PPP3CC: variants seen among roughly 807,000 people sequenced by gnomAD.
The protein encoded by PPP3CC is protein phosphatase 3 catalytic subunit gamma, also known as serine/threonine-protein phosphatase 2B catalytic subunit gamma isoform.
Under a neutral mutation model 60.3 loss-of-function variants are expected in PPP3CC, and 35 were observed. The ratio of observed to expected loss-of-function variants is 0.58; its 90% confidence interval spans 0.44 to 0.77. The LOEUF is 0.77. PPP3CC is among the 30% of genes least tolerant of loss of function. The pLI is 0.00. For synonymous variants in PPP3CC, 206 were observed against 224.3 expected (o/e 0.92, Z 0.73); for missense variants, 570 against 628.9 (o/e 0.91, Z 1.00).
chr8:22,514,749 C>G (rs2443494), intron 6 of PPP3CC, among the ~76,000 whole-genome samples: 65,343 of 145,212 alleles, frequency 0.45, 14,544 homozygotes, highest in East Asian at 0.56. Flanking sequence ...GGTGTGATCT[C>G]AGCTCACCGC....
At chr8:22,513,044 C>G (rs1839136083) in intron 5 of PPP3CC, among the ~76,000 whole-genome samples, 1 of 151,116 alleles carries the variant, frequency 6.6e-6, no homozygotes, top group Non-Finnish European at 1.5e-5. Context: ...CCATTGCACT[C>G]CAGCCTGGGC....
intron 4 of PPP3CC, among the ~76,000 whole-genome samples, chr8:22,509,766 A>G (rs949944514): frequency 3.3e-5 from 5 of 152,164 alleles, no homozygotes; most frequent in Non-Finnish European, 7.3e-5. Context: ...CAGTGACACT[A>G]TCGTAGTTCA....
At chr8:22,448,680 A>T (rs906646587) in intron 1 of PPP3CC, among the ~76,000 whole-genome samples, 1 of 152,154 alleles carries the variant, frequency 6.6e-6, no homozygotes, top group Non-Finnish European at 1.5e-5. Context: ...TGCCTGGCCT[A>T]TATCATTGTT....
Position 22,459,455 on chromosome 8 carries a change from A to ATGTGTGTGTGTG in PPP3CC, c.50-15489_50-15478dup, listed in dbSNP as rs56870564. On this transcript the variant is annotated intron_variant, in intron 1 of 13. Transcript: ENST00000240139. ...ACCACTTCATTATTATCACTTTGTT[A>ATGTGTGTGTGTG]TGTGTGTGTGTGTGTGTGTGTTTAA... Among the ~76,000 whole-genome samples, 258 of 150,246 alleles carry ATGTGTGTGTGTG rather than the reference A, an allele frequency of 1.7e-3. 1 individual carries two copies. The highest frequency in any genetic ancestry group is 6.0e-3 in the African/African-American group (244 of 40,996).
intron 3 of PPP3CC, among the ~76,000 whole-genome samples, chr8:22,483,255 CAT>C (rs1306032591): frequency 3.9e-5 from 6 of 152,254 alleles, no homozygotes; most frequent in Admixed American, 1.3e-4. Context: ...GGGAAGACCA[CAT>C]GTCATTTTAT....
At chr8:22,520,382 T>C (rs1050501407) in intron 6 of PPP3CC, among the ~76,000 whole-genome samples, 4 of 152,180 alleles carry the variant, frequency 2.6e-5, no homozygotes, top group African/African-American at 9.7e-5. Flanking sequence ...ACTGTTAGCC[T>C]TTAGTTTTTA....
At chr8:22,452,981 C>G (rs1248299657) in intron 1 of PPP3CC, among the ~76,000 whole-genome samples, 2 of 152,170 alleles carry the variant, frequency 1.3e-5, no homozygotes, top group Non-Finnish European at 2.9e-5. Context: ...TTAACACACG[C>G]TTAGGTGCTT....
chr8:22,495,526 A>G (rs182716086), intron 3 of PPP3CC, among the ~76,000 whole-genome samples: 1 of 151,884 alleles, frequency 6.6e-6, no homozygotes, highest in Admixed American at 6.6e-5. Context: ...GTTTGGCCAA[A>G]TTGTTTTTTT....
intron 1 of PPP3CC, among the ~76,000 whole-genome samples, chr8:22,462,614 A>C (rs1451127209): frequency 6.8e-5 from 10 of 147,470 alleles, no homozygotes; most frequent in African/African-American, 2.5e-4. Context: ...TCTGTTGCCC[A>C]GGCTGGAGTG....
chr8:22,452,420 C>A (rs536486255), intron 1 of PPP3CC, among the ~76,000 whole-genome samples: 1 of 152,026 alleles, frequency 6.6e-6, no homozygotes, highest in African/African-American at 2.4e-5. Context: ...GCTTTTTCTT[C>A]TCTGCTAAGA....
At chr8:22,506,961 TA>T (rs1259735982) in intron 4 of PPP3CC, among the ~76,000 whole-genome samples, 2 of 148,456 alleles carry the variant, frequency 1.3e-5, no homozygotes, top group South Asian at 4.3e-4. Context: ...ATTAAATAAA[TA>T]AAAAATAAAA....
At chr8:22,475,392 A>G in intron 2 of PPP3CC, 108 bp from the exon 3 acceptor site, 1 of 1,301,876 alleles carries the variant, frequency 7.7e-7, no homozygotes, top group African/African-American at 1.5e-5. Context: ...AGTCCTGTCA[A>G]AAGCTGGAGT....
chr8:22,441,610 G>A, intron 1 of PPP3CC, 152 bp downstream of exon 1: 1 of 829,868 alleles, frequency 1.2e-6, no homozygotes, highest in East Asian at 3.3e-5. Flanking sequence ...GCCTCCGAGA[G>A]CAGCCACCCG....
At chr8:22,511,309 A>T in intron 5 of PPP3CC, 78 bp downstream of exon 5, 1 of 1,439,684 alleles carries the variant, frequency 6.9e-7, no homozygotes, top group Non-Finnish European at 9.5e-7. Flanking sequence ...GTTTGCTTTG[A>T]GACAGAGTCT....
intron 6 of PPP3CC, among the ~76,000 whole-genome samples, chr8:22,514,758 G>A (rs1388292102): frequency 7.2e-6 from 1 of 138,636 alleles, no homozygotes; most frequent in Admixed American, 8.1e-5. Context: ...TCAGCTCACC[G>A]CATCCTCCAC....
At chr8:22,457,650 A>G (rs1837243758) in intron 1 of PPP3CC, among the ~76,000 whole-genome samples, 1 of 152,170 alleles carries the variant, frequency 6.6e-6, no homozygotes, top group African/African-American at 2.4e-5. Flanking sequence ...TTCTGTAGCT[A>G]TCGTTGATTT....
At chr8:22,495,880 A>C in intron 3 of PPP3CC, among the ~76,000 whole-genome samples, 1 of 152,126 alleles carries the variant, frequency 6.6e-6, no homozygotes, top group East Asian at 1.9e-4. Flanking sequence ...TTGTGTGGTC[A>C]AATTTACCCA....
intron 1 of PPP3CC, among the ~76,000 whole-genome samples, chr8:22,472,314 T>A (rs1280490285): frequency 6.7e-6 from 1 of 148,544 alleles, no homozygotes; most frequent in Non-Finnish European, 1.5e-5. Context: ...TTTTTCTATT[T>A]AAAAAGTTTA....
chr8:22,501,180 C>A lies in PPP3CC; in HGVS notation c.484+3068C>A, dbSNP rs151302164. On this transcript the variant is annotated intron_variant, in intron 4 of 13. Coordinates refer to ENST00000240139, the MANE Select transcript of PPP3CC (RefSeq NM_005605.5). The stretch of plus-strand genomic sequence containing the variant: ...GTCTCAACAACAACAACAACAACAA[C>A]AAAGATGTGAGGTATTTGAAGAGCA... 6.7e-3 allele frequency among the ~76,000 whole-genome samples: 1,024 copies of A among 152,144 alleles called. 42 individuals carry two copies. The highest frequency in any genetic ancestry group is 0.061 in the Admixed American group (925 of 15,286).
Sources: allele counts gnomAD v4.1 joint callset (sites outside exome capture counted in the v4.1 genomes callset), GRCh38; gene constraint gnomAD v4.1.1; transcripts MANE v1.5; gene names NCBI Gene and HGNC (gene_info 2026-07-23, HGNC 2026-07-21).